Variants in OPCML observed in about 807,000 individuals in gnomAD.
OPCML encodes the protein opioid binding protein/cell adhesion molecule like.
In OPCML, 13 loss-of-function variants were observed where a neutral mutation model predicts 37.8. The ratio of observed to expected loss-of-function variants is 0.34; its 90% CI spans 0.22 to 0.55. The LOEUF (loss-of-function observed/expected upper bound fraction) is 0.55. Ranked by LOEUF, OPCML falls within the 20% of genes least tolerant of loss-of-function variation. The pLI, the probability that OPCML is intolerant of heterozygous loss-of-function variation, is 0.91. For missense variants in OPCML, 341 were observed against 435.6 expected, an observed-to-expected ratio of 0.78 and a Z score of 1.93; for synonymous variants, 176 against 168.8, an observed-to-expected ratio of 1.04 and a Z score of -0.33.
intron 1 of OPCML, among the ~76,000 whole-genome samples, chr11:133,328,027 C>T (rs988486633): frequency 1.3e-5 from 2 of 152,114 alleles, no homozygotes; most frequent in Admixed American, 1.3e-4. Context: ...CCTATGCTTA[C>T]TAAAAACCTA....
chr11:132,566,472 C>T (rs779920097), intron 3 of OPCML, among the ~76,000 whole-genome samples: 3 of 152,192 alleles, frequency 2.0e-5, no homozygotes, highest in Admixed American at 1.3e-4. Context: ...CTAGAAAATG[C>T]TACTTACTAA....
At chr11:132,996,340 C>G (rs1301123295) in intron 1 of OPCML, among the ~76,000 whole-genome samples, 3 of 151,970 alleles carry the variant, frequency 2.0e-5, no homozygotes, top group Admixed American at 2.0e-4. Flanking sequence ...TGATTCATAG[C>G]TGGGTACAGT....
intron 2 of OPCML, among the ~76,000 whole-genome samples, chr11:132,917,241 C>T (rs1190545029): frequency 2.0e-5 from 3 of 152,216 alleles, no homozygotes; most frequent in Admixed American, 6.5e-5. Context: ...CCTGCTCACC[C>T]TAGAAACTCT....
chr11:133,053,000 T>C (rs2136969545), intron 1 of OPCML, among the ~76,000 whole-genome samples: 1 of 152,330 alleles, frequency 6.6e-6, no homozygotes, highest in Non-Finnish European at 1.5e-5. Flanking sequence ...TTTGAGGTGG[T>C]ATTCTATTCA....
In OPCML at chr11:133,006,438, G is replaced by A. The variant is rs545588742; in HGVS notation, c.62-63428C>T. The A allele has an allele frequency of 1.1e-4, 112 of 985,304 alleles. No individual in the cohort carries two copies. The African/African-American group carries it at 1.9e-3, about 16-fold the overall frequency. The allele number at this position is 985,304 out of a possible 1,614,324, so 61.0% of individuals were successfully genotyped here. On this transcript the variant is annotated intron_variant, in intron 1 of 7. Coordinates refer to ENST00000524381, the MANE Select transcript of OPCML (RefSeq NM_001012393.5). ...CTGAAAAAAAGTCCTGCAACAACTG[G>A]AAGACCTTGAATAAGTGAGCTCTTT...
intron 2 of OPCML, among the ~76,000 whole-genome samples, chr11:132,904,240 C>T (rs575151620): frequency 6.6e-6 from 1 of 152,332 alleles, no homozygotes; most frequent in Non-Finnish European, 1.5e-5. Flanking sequence ...TAATACAGCA[C>T]AAACAACACA....
At chr11:132,827,044 T>A (rs1380080492) in intron 2 of OPCML, among the ~76,000 whole-genome samples, 1 of 152,196 alleles carries the variant, frequency 6.6e-6, no homozygotes, top group African/African-American at 2.4e-5. Flanking sequence ...AGATCAGAAT[T>A]TCTCTTGTTC....
intron 1 of OPCML, among the ~76,000 whole-genome samples, chr11:133,426,577 C>T (rs1417228074): frequency 6.6e-6 from 1 of 152,140 alleles, no homozygotes; most frequent in African/African-American, 2.4e-5. Flanking sequence ...CCTCTCTCCT[C>T]CTCTGCCCCA....
At chr11:132,509,898 G>C (rs562677559) in intron 4 of OPCML, among the ~76,000 whole-genome samples, 3 of 152,240 alleles carry the variant, frequency 2.0e-5, no homozygotes, top group African/African-American at 7.2e-5. Flanking sequence ...TGAGAAGAGG[G>C]CTACTGTCCT....
intron 1 of OPCML, among the ~76,000 whole-genome samples, chr11:133,119,837 G>A (rs976479061): frequency 4.6e-5 from 7 of 152,182 alleles, no homozygotes; most frequent in African/African-American, 1.4e-4. Context: ...GGATGCACGT[G>A]GGAGTGAAGT....
intron 7 of OPCML, among the ~76,000 whole-genome samples, chr11:132,427,875 T>A (rs2095982955): frequency 2.0e-5 from 3 of 152,160 alleles, no homozygotes; most frequent in Admixed American, 2.0e-4. Flanking sequence ...TGTCTGCAGT[T>A]TTTTTCTACT....
At chr11:133,303,040 T>C (rs920037070) in intron 1 of OPCML, among the ~76,000 whole-genome samples, 2 of 152,194 alleles carry the variant, frequency 1.3e-5, no homozygotes, top group Admixed American at 6.5e-5. Context: ...TATCGGTTAT[T>C]GAGCAAAATA....
At chr11:132,593,791 T>C (rs2096488382) in intron 3 of OPCML, among the ~76,000 whole-genome samples, 1 of 152,154 alleles carries the variant, frequency 6.6e-6, no homozygotes, top group Non-Finnish European at 1.5e-5. Flanking sequence ...CAACAAGCAA[T>C]TAATTAATTA....
intron 2 of OPCML, among the ~76,000 whole-genome samples, chr11:132,787,962 C>G (rs1034855903): frequency 1.3e-5 from 2 of 152,166 alleles, no homozygotes; most frequent in African/African-American, 2.4e-5. Flanking sequence ...CTCACTGCAA[C>G]CTCCGCCTCC....
At position 133,173,653 on chromosome 11, in the gene OPCML, G is replaced by T. The variant is rs753875654; in HGVS notation, c.62-230643C>A. 2.0e-5 allele frequency among the ~76,000 whole-genome samples: 3 copies of T among 152,166 alleles called. No homozygotes were observed. The highest frequency in any genetic ancestry group is 7.2e-5 in the African/African-American group (3 of 41,434). ...TTAGCAGTAACGCGATGAGGCTAAC[G>T]TAAGGGTAGACACCTCCCTGCAGAT... On this transcript the variant is annotated intron_variant, in intron 1 of 7. Transcript: ENST00000524381. This position sits in a 1 kb window ranked among gnomAD's most constrained non-coding sequence, Gnocchi z 7.8.
intron 1 of OPCML, among the ~76,000 whole-genome samples, chr11:133,357,931 A>T (rs1289519127): frequency 1.3e-5 from 2 of 151,608 alleles, no homozygotes; most frequent in Non-Finnish European, 2.9e-5. Flanking sequence ...TCCCCAGCCA[A>T]CCTCCCGGGG....
At chr11:132,663,099 C>T (rs189781118) in intron 2 of OPCML, among the ~76,000 whole-genome samples, 89 of 152,262 alleles carry the variant, frequency 5.8e-4, no homozygotes, top group African/African-American at 1.6e-3. Context: ...TTGTAATATA[C>T]GGATAATACC....
chr11:132,480,089 C>A (rs1446798126), intron 4 of OPCML, among the ~76,000 whole-genome samples: 1 of 152,052 alleles, frequency 6.6e-6, no homozygotes. Context: ...GGAGGACATT[C>A]AAACCAAAGG....
At chr11:132,753,295 C>A (rs1565834465) in intron 2 of OPCML, among the ~76,000 whole-genome samples, 1 of 152,160 alleles carries the variant, frequency 6.6e-6, no homozygotes, top group Non-Finnish European at 1.5e-5. Context: ...TAATTTAATT[C>A]ATTTAATTTG....
Sources: allele counts gnomAD v4.1 joint callset (sites outside exome capture counted in the v4.1 genomes callset), GRCh38; gene constraint gnomAD v4.1.1; non-coding constraint Gnocchi (gnomAD v3.1); transcripts MANE v1.5; gene names NCBI Gene and HGNC (gene_info 2026-07-23, HGNC 2026-07-21).